The following SGCG variants were observed in gnomAD, a reference collection of about 807,000 sequenced individuals.
SGCG encodes the protein sarcoglycan gamma.
A neutral mutation model predicts 29.3 loss-of-function variants in SGCG; 26 were observed. That is an observed-to-expected ratio of 0.89 (90% CI 0.65 to 1.23). The LOEUF (loss-of-function observed/expected upper bound fraction) is 1.23, where lower values mean the gene tolerates loss of function less well. SGCG is among the 50% of genes most tolerant of loss of function. SGCG has a pLI of 0.00. For missense variants in SGCG, 353 were observed against 356.0 expected (o/e 0.99, Z 0.07); for synonymous variants, 145 against 129.7 (o/e 1.12, Z -0.80).
intron 5 of SGCG, among the ~76,000 whole-genome samples, chr13:23,285,237 A>G (rs1319039440): frequency 6.6e-6 from 1 of 152,146 alleles, no homozygotes. Flanking sequence ...GTGCTGTCCC[A>G]GGGAGATGGG....
intron 6 of SGCG, among the ~76,000 whole-genome samples, chr13:23,296,467 T>C (rs761526723): frequency 3.3e-5 from 5 of 152,234 alleles, no homozygotes; most frequent in Non-Finnish European, 5.9e-5. Flanking sequence ...ATTTTTAGTG[T>C]ACAGTTCAGT....
intron 5 of SGCG, among the ~76,000 whole-genome samples, chr13:23,282,210 T>C (rs1307145634): frequency 2.0e-5 from 3 of 152,208 alleles, no homozygotes; most frequent in Non-Finnish European, 4.4e-5. Context: ...TTACATTTTG[T>C]GATTAAAGAA....
At chr13:23,295,616 T>C (rs540970212) in intron 6 of SGCG, 129 bp downstream of exon 6, 2 of 755,866 alleles carry the variant, frequency 2.6e-6, no homozygotes, top group African/African-American at 3.4e-5. Flanking sequence ...TTTTCAAGAC[T>C]TTCCGCTTAT....
At chr13:23,274,755 T>G (rs1881007283) in intron 4 of SGCG, among the ~76,000 whole-genome samples, 1 of 152,090 alleles carries the variant, frequency 6.6e-6, no homozygotes, top group Admixed American at 6.6e-5. Context: ...AAACTATTCC[T>G]TAGAGTATGG....
At chr13:23,223,195 A>G (rs553214356) in intron 2 of SGCG, among the ~76,000 whole-genome samples, 174 of 148,820 alleles carry the variant, frequency 1.2e-3, no homozygotes, top group African/African-American at 3.9e-3. Context: ...GGAGAATGGC[A>G]TGAACCTGGA....
At chr13:23,290,147 TGAG>T (rs541586275) in intron 5 of SGCG, among the ~76,000 whole-genome samples, 33 of 152,272 alleles carry the variant, frequency 2.2e-4, no homozygotes, top group Admixed American at 6.5e-4. Flanking sequence ...CGGAGAGGCC[TGAG>T]GAGGAGGAGA....
At chr13:23,161,090 C>T in the SGCG span, among the ~76,000 whole-genome samples, 1 of 152,120 alleles carries the variant, frequency 6.6e-6, no homozygotes. Flanking sequence ...AGTGTCTGCA[C>T]CAAGTGCAAA....
At chr13:23,283,434 T>A (rs1881382267) in intron 5 of SGCG, among the ~76,000 whole-genome samples, 2 of 152,240 alleles carry the variant, frequency 1.3e-5, no homozygotes, top group Admixed American at 1.3e-4. Context: ...AGACTAGGAA[T>A]GTAATCCCTG....
chr13:23,315,045 A>G (rs952887621), intron 6 of SGCG, among the ~76,000 whole-genome samples: 1 of 152,222 alleles, frequency 6.6e-6, no homozygotes, highest in Non-Finnish European at 1.5e-5. Context: ...AGCAGATCCA[A>G]TGGTGCTTGA....
At chr13:23,189,143 T>C (rs12874934) in intron 1 of SGCG, among the ~76,000 whole-genome samples, 43,921 of 152,092 alleles carry the variant, frequency 0.29, 7,386 homozygotes, top group Admixed American at 0.4. Flanking sequence ...CTGCCAGCTA[T>C]CAAATATTCC....
intron 1 of SGCG, among the ~76,000 whole-genome samples, chr13:23,199,657 T>C (rs1159168945): frequency 3.3e-5 from 5 of 152,200 alleles, no homozygotes; most frequent in African/African-American, 1.2e-4. Flanking sequence ...TTTTATGCAA[T>C]GCAGTGAACA....
chr13:23,171,454 C>A, the SGCG span, among the ~76,000 whole-genome samples: 1 of 152,134 alleles, frequency 6.6e-6, no homozygotes, highest in Non-Finnish European at 1.5e-5. Context: ...AGATAGAGAA[C>A]AGAAGATTTT....
At chr13:23,201,945 G>A (rs1275130561) in intron 1 of SGCG, among the ~76,000 whole-genome samples, 1 of 152,178 alleles carries the variant, frequency 6.6e-6, no homozygotes, top group Non-Finnish European at 1.5e-5. Flanking sequence ...ATATAATAGA[G>A]GGAAGAGGTT....
At chr13:23,184,903 A>G (rs1242935521) in intron 1 of SGCG, among the ~76,000 whole-genome samples, 1 of 152,208 alleles carries the variant, frequency 6.6e-6, no homozygotes, top group Non-Finnish European at 1.5e-5. Context: ...GCTCCCAAAG[A>G]AAAGATGTTC....
chr13:23,312,703 A>G (rs1882649157), intron 6 of SGCG, among the ~76,000 whole-genome samples: 1 of 152,188 alleles, frequency 6.6e-6, no homozygotes, highest in African/African-American at 2.4e-5. Flanking sequence ...GCCTCTATGT[A>G]ATATATTCAT....
Position 23,193,828 on chromosome 13 carries a change from A to G in SGCG, c.1-9867A>G, listed in dbSNP as rs114514852. On this transcript the variant is annotated intron_variant, in intron 1 of 7. Coordinates refer to ENST00000218867, the MANE Select transcript of SGCG (RefSeq NM_000231.3). ...ATAATGAATAGGATCACCTTGAAAA[A>G]TTGAAGGAAGAGAAGAGATGGTCCC... 5.9e-3 allele frequency among the ~76,000 whole-genome samples: 897 copies of G among 152,230 alleles called. 11 individuals carry two copies. Among genetic ancestry groups the G allele is most frequent in the African/African-American group, 0.019 (787 of 41,528 alleles).
At chr13:23,164,704 T>A in the SGCG span, among the ~76,000 whole-genome samples, 3 of 152,140 alleles carry the variant, frequency 2.0e-5, no homozygotes, top group East Asian at 5.8e-4. Flanking sequence ...GCCACTCTGC[T>A]GTCCCATTAA....
In SGCG at chr13:23,324,510, C is replaced by T. The variant is rs758609187; in HGVS notation, c.845C>T (p.Thr282Met). 4 of 1,612,742 alleles carry T rather than the reference C, an allele frequency of 2.5e-6. No homozygotes were observed. The highest frequency in any genetic ancestry group is 2.5e-6 in the Non-Finnish European group (3 of 1,180,010). ...LYLSVAGVST[T>M]CQEHNHICL is the part of the protein sequence containing the mutation. The stretch of plus-strand genomic sequence containing the variant: ...CTGTCTGTGGCCGGTGTGAGCACCA[C>T]GTGCCAGGAGCACAACCACATCTGC... Residue 282 changes from threonine (T) to methionine (M), a missense_variant, in exon 8 of 8, where the codon ACG becomes ATG. By Grantham distance (81) the Thr-to-Met change is moderately conservative. Transcript: ENST00000218867.
intron 2 of SGCG, chr13:23,217,375 TC>T (rs1372840430): frequency 6.6e-6 from 1 of 152,068 alleles, no homozygotes. Flanking sequence ...TATATGCCAG[TC>T]CCCCGATTAA....
Sources: gnomAD v4.1 joint callset for allele counts (sites outside exome capture counted in the v4.1 genomes callset) on GRCh38, gnomAD v4.1.1 for gene constraint, MANE v1.5 for transcripts, NCBI Gene and HGNC (gene_info 2026-07-23, HGNC 2026-07-21) for gene names.